CHCHD5: variants seen among roughly 807,000 people sequenced by gnomAD.
CHCHD5 encodes coiled-coil-helix-coiled-coil-helix domain containing 5, also known as coiled-coil-helix-coiled-coil-helix domain-containing protein 5.
Under a neutral mutation model 16.0 loss-of-function variants are expected in CHCHD5, and 10 were observed. The observed-to-expected ratio is 0.63, with a 90% confidence interval of 0.39 to 1.06. The LOEUF is 1.06. Among genes scored for constraint, CHCHD5 ranks in the 50% least tolerant of loss-of-function variants. CHCHD5 has a pLI of 0.01. For synonymous variants in CHCHD5, 55 were observed against 56.3 expected (o/e 0.98, Z 0.10); for missense variants, 163 against 153.4 (o/e 1.06, Z -0.33).
chr2:112,585,265 T>C (rs1017878639), intron 1 of CHCHD5, among the ~76,000 whole-genome samples: 4 of 152,102 alleles, frequency 2.6e-5, no homozygotes, highest in African/African-American at 9.7e-5. Context: ...CTCTTGGAGC[T>C]CTAAACCTCA....
chr2:112,588,488 T>C, intron 3 of CHCHD5: 1 of 213,536 alleles, frequency 4.7e-6, no homozygotes. Flanking sequence ...TGTGTTTTTG[T>C]GGCTGACAAT....
At position 112,586,636 on chromosome 2, in the gene CHCHD5, G is replaced by A. The variant is rs992724368; in HGVS notation, c.309+271G>A. Reference sequence around the variant, plus strand: ...CTCCCTCTTTTCTTGCCTCCATAAAGCGGCCTGGGTGAGCATGTAAGGACT... The same window carrying A: ...CTCCCTCTTTTCTTGCCTCCATAAAACGGCCTGGGTGAGCATGTAAGGACT... On this transcript the variant is annotated intron_variant, in intron 3 of 3. Transcript: ENST00000324913. 17 of 1,462,690 alleles carry A rather than the reference G, an allele frequency of 1.2e-5. No homozygotes were observed. The East Asian group carries it at 2.2e-4, about 19-fold the overall frequency. The allele number at this position is 1,462,690 out of a possible 1,614,324, so 90.6% of individuals were successfully genotyped here. A position where few individuals can be genotyped will look rare whatever the true frequency, so the allele number is the denominator to read the frequency against.
intron 3 of CHCHD5, chr2:112,588,301 A>T (rs1448918849): frequency 1.3e-5 from 2 of 152,234 alleles, no homozygotes; most frequent in African/African-American, 4.8e-5. Context: ...CAAAAAAAAA[A>T]AAAAAAGGGA....
intron 1 of CHCHD5, among the ~76,000 whole-genome samples, chr2:112,585,092 T>C (rs904444786): frequency 2.6e-5 from 4 of 152,172 alleles, no homozygotes; most frequent in African/African-American, 4.8e-5. Flanking sequence ...CACAGACTTG[T>C]TCCTAGACCA....
In CHCHD5 at chr2:112,589,009, A is replaced by G. The variant is rs981120868; in HGVS notation, c.*120A>G. On this transcript the variant is annotated 3_prime_UTR_variant, in exon 4 of 4. Transcript: ENST00000324913. ...GGGCCCGGCTTTCCTGGATATCAGG[A>G]CTTCCAATAAATAAAGACTCTGTAT... 2 of 712,824 alleles carry G rather than the reference A, an allele frequency of 2.8e-6. No individual in the cohort carries two copies. The highest frequency in any genetic ancestry group is 3.5e-5 in the African/African-American group (2 of 56,572). The allele number at this position is 712,824 out of a possible 1,614,324, so 44.2% of individuals were successfully genotyped here. A position where few individuals can be genotyped will look rare whatever the true frequency, so the allele number is the denominator to read the frequency against.
intron 2 of CHCHD5, 28 bp downstream of exon 2, chr2:112,586,142 TG>T: frequency 7.1e-7 from 1 of 1,401,898 alleles, no homozygotes. Flanking sequence ...TGAGACAGTG[TG>T]GGGGGTGGGC....
At chr2:112,585,893 C>G (rs1685194598) in intron 1 of CHCHD5, 81 bp from the exon 2 acceptor site, 1 of 1,493,812 alleles carries the variant, frequency 6.7e-7, no homozygotes, top group Non-Finnish European at 9.0e-7. Flanking sequence ...GAGACCCTGT[C>G]TCTAAAAAAT....
chr2:112,585,105 C>T (rs719667), intron 1 of CHCHD5, among the ~76,000 whole-genome samples: 68,486 of 151,994 alleles, frequency 0.45, 18,550 homozygotes, highest in Non-Finnish European at 0.61. Flanking sequence ...CTAGACCACT[C>T]TGACCTTGCC....
chr2:112,584,499 C>G, upstream of CHCHD5: 1 of 945,532 alleles, frequency 1.1e-6, no homozygotes, highest in Non-Finnish European at 1.7e-6. Context: ...AGGGCGCCGC[C>G]GTGACAGATT....
At chr2:112,584,972 T>C in intron 1 of CHCHD5, 1 of 474,524 alleles carries the variant, frequency 2.1e-6, no homozygotes, top group Admixed American at 3.3e-5. Flanking sequence ...GGGACCTCTA[T>C]GACTCCTACA....
At chr2:112,584,828 C>T (rs545045424) in intron 1 of CHCHD5, 179 bp downstream of exon 1, 1 of 709,260 alleles carries the variant, frequency 1.4e-6, no homozygotes, top group African/African-American at 1.8e-5. Flanking sequence ...CCAAGCCCCG[C>T]CCTCTAAGCG....
chr2:112,584,749 C>T (rs1685153171), intron 1 of CHCHD5, 100 bp downstream of exon 1: 19 of 1,416,778 alleles, frequency 1.3e-5, no homozygotes, highest in Non-Finnish European at 1.9e-5. Context: ...GGACCAGCCT[C>T]CCTCCTTCTT....
intron 3 of CHCHD5, 93 bp from the exon 4 acceptor site, chr2:112,588,773 G>A: frequency 1.0e-6 from 1 of 963,952 alleles, no homozygotes; most frequent in South Asian, 1.3e-5. Context: ...CAGACTGTGG[G>A]CTCTGCAGGG....
intron 3 of CHCHD5, chr2:112,586,799 C>A (rs1685240487): frequency 1.9e-6 from 1 of 523,338 alleles, no homozygotes; most frequent in Non-Finnish European, 3.3e-6. Flanking sequence ...CTCACCCTCT[C>A]TCTTCTTTCT....
chr2:112,588,744 C>T (rs989360751), intron 3 of CHCHD5, 122 bp from the exon 4 acceptor site: 4 of 777,650 alleles, frequency 5.1e-6, no homozygotes, highest in African/African-American at 1.7e-5. Context: ...AAGGTCATTG[C>T]CCAACACCCT....
rs1685297779 is a variant in CHCHD5 at position 112,588,780 on chromosome 2, A to G, written c.310-86A>G. On this transcript the variant is annotated intron_variant, in intron 3 of 3. Coordinates refer to ENST00000324913, the MANE Select transcript of CHCHD5 (RefSeq NM_032309.4). ...TCTCCCTCCAGACTGTGGGCTCTGC[A>G]GGGTCTCCCTCTGTGGTGTCTACAT... 7.7e-6 allele frequency: 8 copies of G among 1,037,778 alleles called. 1 individual carries two copies. Among genetic ancestry groups the G allele is most frequent in the South Asian group, 1.3e-5 (1 of 78,770 alleles). 64.3% of individuals were successfully genotyped at this position (1,037,778 alleles called of 1,614,324 possible).
At chr2:112,584,475 C>A (rs1685137722), upstream of CHCHD5, 2 of 731,948 alleles carry the variant, frequency 2.7e-6, no homozygotes, top group South Asian at 3.3e-5. Flanking sequence ...ACGAGCCGGG[C>A]CGGAAGAAGA....
chr2:112,584,478 G>C (rs1379861944), upstream of CHCHD5: 1 of 757,350 alleles, frequency 1.3e-6, no homozygotes, highest in African/African-American at 1.7e-5. Flanking sequence ...AGCCGGGCCG[G>C]AAGAAGAGGT....
upstream of CHCHD5, chr2:112,584,560 A>AGGCTG (rs1481190121): frequency 2.5e-6 from 4 of 1,577,022 alleles, no homozygotes; most frequent in Non-Finnish European, 2.6e-6. Context: ...GGAAAAAACC[A>AGGCTG]GGCTGGGCTG....
Sources: allele counts gnomAD v4.1 joint callset (sites outside exome capture counted in the v4.1 genomes callset), GRCh38; gene constraint gnomAD v4.1.1; transcripts MANE v1.5; gene names NCBI Gene and HGNC (gene_info 2026-07-23, HGNC 2026-07-21).